The following ARHGAP5 variants were observed in gnomAD, a reference collection of about 807,000 sequenced individuals.
The protein encoded by ARHGAP5 is rho GTPase-activating protein 5.
Under a neutral mutation model 116.6 loss-of-function variants are expected in ARHGAP5, and 23 were observed. That is an observed-to-expected ratio of 0.20 (90% CI 0.14 to 0.28). The LOEUF is 0.28. ARHGAP5 is among the 10% of genes least tolerant of loss of function. The pLI is 1.00. For synonymous variants in ARHGAP5, 574 were observed against 602.0 expected (o/e 0.95, Z 0.68); for missense variants, 1,405 against 1,774.8 (o/e 0.79, Z 3.74).
intron 3 of ARHGAP5, among the ~76,000 whole-genome samples, chr14:32,140,848 G>A (rs983654257): frequency 6.6e-6 from 1 of 152,130 alleles, no homozygotes; most frequent in Non-Finnish European, 1.5e-5. Context: ...TCGGTTTTTA[G>A]TGTTCAAAGT....
rs1881851598 is a variant in ARHGAP5, at chr14:32,155,452, C to T, written c.*504C>T. ...ATAATTTCAGGCTACTGAGGCCATG[C>T]TTGGGATGTTGTTTGAAAGAAAGAA... On this transcript the variant is annotated 3_prime_UTR_variant, in exon 7 of 7. Coordinates refer to ENST00000345122, the MANE Select transcript of ARHGAP5 (RefSeq NM_001030055.2). 1 of 153,054 alleles carries T rather than the reference C, an allele frequency of 6.5e-6. No homozygotes were observed. Among genetic ancestry groups the T allele is most frequent in the African/African-American group, 2.4e-5 (1 of 41,446 alleles). 9.5% of individuals were successfully genotyped at this position (153,054 alleles called of 1,614,324 possible).
At chr14:32,078,854 T>C (rs1269173123) in intron 1 of ARHGAP5, among the ~76,000 whole-genome samples, 6 of 152,254 alleles carry the variant, frequency 3.9e-5, no homozygotes, top group Non-Finnish European at 7.3e-5. Flanking sequence ...AGTTTATTTG[T>C]ACTGTAATAC....
chr14:32,088,474 A>G (rs1022423692), intron 1 of ARHGAP5, among the ~76,000 whole-genome samples: 2 of 151,966 alleles, frequency 1.3e-5, no homozygotes, highest in Admixed American at 1.3e-4. Context: ...TTCCATTTCT[A>G]TCACTGTGTA....
chr14:32,146,363 T>A, intron 4 of ARHGAP5, 23 bp downstream of exon 4: 1 of 1,545,638 alleles, frequency 6.5e-7, no homozygotes, highest in Non-Finnish European at 8.9e-7. Context: ...TTATGTGAAA[T>A]AAAAATTGTT....
intron 3 of ARHGAP5, among the ~76,000 whole-genome samples, chr14:32,127,250 CAG>C (rs1213451837): frequency 1.3e-5 from 2 of 151,606 alleles, no homozygotes; most frequent in Non-Finnish European, 1.5e-5. Context: ...CATAGGACAA[CAG>C]TGGAGAGAAG....
Position 32,091,314 on chromosome 14 carries a change from T to G in ARHGAP5, c.645T>G (p.Phe215Leu), listed in dbSNP as rs1472901295. The change falls in exon 2 of 7, where the codon TTT (phenylalanine) becomes TTG (leucine). Residue 215 changes from phenylalanine to leucine, a missense_variant. Phe to Leu is a conservative substitution (Grantham distance 22). Transcript: ENST00000345122. ...VDHYLREVQA[F>L]ASNKKNLLVV... is the part of the protein sequence containing the mutation. ...ATTATCTTAGAGAAGTTCAGGCATT[T>G]GCTTCAAATAAAAAGAACCTTCTTG... The G allele has an allele frequency of 6.2e-7, 1 of 1,613,578 alleles. No homozygotes were observed. Among genetic ancestry groups the G allele is most frequent in the South Asian group, 1.1e-5 (1 of 90,986 alleles).
chr14:32,110,960 T>C (rs1879262292), intron 2 of ARHGAP5, among the ~76,000 whole-genome samples: 1 of 152,128 alleles, frequency 6.6e-6, no homozygotes, highest in Non-Finnish European at 1.5e-5. Context: ...AAGGAAAGCA[T>C]GAGAGGTTTT....
chr14:32,102,106 T>G (rs1878819565), intron 2 of ARHGAP5, among the ~76,000 whole-genome samples: 1 of 152,264 alleles, frequency 6.6e-6, no homozygotes, highest in Non-Finnish European at 1.5e-5. Context: ...AGTTTCACAT[T>G]TTCTTTTTTG....
intron 2 of ARHGAP5, among the ~76,000 whole-genome samples, chr14:32,103,313 T>G (rs1048002100): frequency 6.6e-6 from 1 of 152,232 alleles, no homozygotes. Context: ...CAAATTCAGA[T>G]TGAAATGTAA....
chr14:32,112,281 A>C (rs746545968), intron 2 of ARHGAP5, among the ~76,000 whole-genome samples: 3 of 152,178 alleles, frequency 2.0e-5, no homozygotes, highest in Non-Finnish European at 4.4e-5. Flanking sequence ...GGTTTTTTAA[A>C]AATGTTACTG....
chr14:32,078,443 G>A (rs549225474), intron 1 of ARHGAP5: 1 of 152,324 alleles, frequency 6.6e-6, no homozygotes, highest in East Asian at 1.9e-4. Flanking sequence ...GAGCAAGATA[G>A]GCATATAGAT....
In ARHGAP5 at chr14:32,117,247, A is replaced by G. The variant is rs764437754; in HGVS notation, c.3825A>G (p.Pro1275=). Reference sequence around the variant, plus strand: ...TGGTTACAGCTGAGAAGCCCATACCACTATTTGTTGAGAAATGTGTGGAAT... The same window carrying G: ...TGGTTACAGCTGAGAAGCCCATACCGCTATTTGTTGAGAAATGTGTGGAAT... ...QDLVTAEKPI[P]LFVEKCVEFI... is the part of the protein sequence containing the mutation. The change falls in exon 3 of 7, where the codon CCA becomes CCG. Residue 1275 remains proline, a synonymous_variant. Coordinates refer to ENST00000345122, the MANE Select transcript of ARHGAP5 (RefSeq NM_001030055.2). 5 of 1,608,976 alleles carry G rather than the reference A, an allele frequency of 3.1e-6. No individual in the cohort carries two copies. Among genetic ancestry groups the G allele is most frequent in the Middle Eastern group, 1.7e-4 (1 of 6,046 alleles).
chr14:32,141,841 T>C (rs894247670), intron 3 of ARHGAP5, among the ~76,000 whole-genome samples: 8 of 152,202 alleles, frequency 5.3e-5, no homozygotes, highest in Admixed American at 4.6e-4. Flanking sequence ...TTCTACTGTC[T>C]TCTAACCTCC....
chr14:32,129,383 A>C (rs546069902), intron 3 of ARHGAP5, among the ~76,000 whole-genome samples: 1 of 152,300 alleles, frequency 6.6e-6, no homozygotes, highest in East Asian at 1.9e-4. Flanking sequence ...GTTAATCTGG[A>C]ACGCCCCACT....
Position 32,106,319 on chromosome 14 carries a change from C to T in ARHGAP5, c.3718-10821C>T, listed in dbSNP as rs144005398. Among the ~76,000 whole-genome samples the T allele has an allele frequency of 4.8e-3, 728 of 152,202 alleles. 11 individuals are homozygous for T. The highest frequency in any genetic ancestry group is 0.017 in the African/African-American group (712 of 41,508). ...TATTTTTAGTAGAGACGGGCTTTCA[C>T]CATCTTGGCCAGGCTGGTCTTGAAC... On this transcript the variant is annotated intron_variant, in intron 2 of 6. Coordinates refer to ENST00000345122, the MANE Select transcript of ARHGAP5 (RefSeq NM_001030055.2).
intron 3 of ARHGAP5, among the ~76,000 whole-genome samples, chr14:32,118,011 C>CT (rs1169937757): frequency 6.6e-6 from 1 of 152,098 alleles, no homozygotes; most frequent in Admixed American, 6.5e-5. Context: ...AAAACATGAG[C>CT]TAAGTCAGTT....
intron 3 of ARHGAP5, among the ~76,000 whole-genome samples, chr14:32,144,752 G>A (rs1356251022): frequency 6.6e-6 from 1 of 152,148 alleles, no homozygotes; most frequent in East Asian, 1.9e-4. Context: ...CCAAAGTGCT[G>A]GGATTACAGG....
chr14:32,127,444 A>T, intron 3 of ARHGAP5, among the ~76,000 whole-genome samples: 1 of 152,124 alleles, frequency 6.6e-6, no homozygotes, highest in South Asian at 2.1e-4. Flanking sequence ...TAATCCATTT[A>T]ACCCTGAGTT....
At chr14:32,133,681 C>G (rs1037582051) in intron 3 of ARHGAP5, among the ~76,000 whole-genome samples, 3 of 152,154 alleles carry the variant, frequency 2.0e-5, no homozygotes, top group Admixed American at 6.5e-5. Flanking sequence ...GGGAATGCTT[C>G]CAGTTTTTGC....
Sources: gnomAD v4.1 joint callset for allele counts (sites outside exome capture counted in the v4.1 genomes callset) on GRCh38, gnomAD v4.1.1 for gene constraint, MANE v1.5 for transcripts, NCBI Gene and HGNC (gene_info 2026-07-23, HGNC 2026-07-21) for gene names.